MAP3K4: variants seen among roughly 807,000 people sequenced by gnomAD.
The protein encoded by MAP3K4 is mitogen-activated protein kinase kinase kinase 4.
A neutral mutation model predicts 185.6 loss-of-function variants in MAP3K4; 67 were observed. That is an observed-to-expected ratio of 0.36 (90% CI 0.30 to 0.44). The LOEUF is 0.44. Ranked by LOEUF, MAP3K4 falls within the 20% of genes least tolerant of loss-of-function variation. The pLI is 1.00. For missense variants in MAP3K4, 1,551 were observed against 1,995.1 expected, an observed-to-expected ratio of 0.78 and a Z score of 4.24; for synonymous variants, 702 against 710.4, an observed-to-expected ratio of 0.99 and a Z score of 0.19.
Position 161,091,393 on chromosome 6 carries a change from G to A in MAP3K4, c.2988G>A (p.Glu996=). The A allele has an allele frequency of 1.2e-6, 2 of 1,613,390 alleles. No individual in the cohort carries two copies. Among genetic ancestry groups the A allele is most frequent in the Non-Finnish European group, 1.7e-6 (2 of 1,179,708 alleles). ...GGACTCTTCAGAATGATGCATTGGA[G>A]CTATGCAACAGGATAAGCAATGCCA... is the stretch of plus-strand genomic sequence containing the variant. ...ALQQLKNDAL[E]LCNRISNAID... The change falls in exon 12 of 27, where the codon GAG becomes GAA. Residue 996 remains glutamate (E), a synonymous_variant. Coordinates refer to ENST00000392142, the MANE Select transcript of MAP3K4 (RefSeq NM_005922.4). The surrounding 1 kb of genome is among the most constrained non-coding windows in gnomAD (Gnocchi z 5.5).
chr6:161,109,057 T>TA lies in MAP3K4; in HGVS notation c.4236+199dup, dbSNP rs1329284919. 1 of 1,482,512 alleles carries TA rather than the reference T, an allele frequency of 6.7e-7. No individual in the cohort carries two copies. The highest frequency in any genetic ancestry group is 9.1e-7 in the Non-Finnish European group (1 of 1,098,644). 91.8% of individuals were successfully genotyped at this position (1,482,512 alleles called of 1,614,324 possible). A position where few individuals can be genotyped will look rare whatever the true frequency, so the allele number is the denominator to read the frequency against. On this transcript the variant is annotated intron_variant, in intron 22 of 26. Coordinates refer to ENST00000392142, the MANE Select transcript of MAP3K4 (RefSeq NM_005922.4). The surrounding 1 kb of genome is among the most constrained non-coding windows in gnomAD (Gnocchi z 5.7). ...CTCCTAAAATGTAAGTTGTAGACTG[T>TA]AGTCATTAACCCGACATCATAAAGC...
At chr6:161,104,916 T>G (rs1419175128) in intron 19 of MAP3K4, among the ~76,000 whole-genome samples, 1 of 152,210 alleles carries the variant, frequency 6.6e-6, no homozygotes, top group Non-Finnish European at 1.5e-5. Context: ...TGGACCATTA[T>G]AAATCTTTTA....
At chr6:161,016,885 C>T (rs936413806) in intron 1 of MAP3K4, among the ~76,000 whole-genome samples, 6 of 152,096 alleles carry the variant, frequency 3.9e-5, no homozygotes, top group African/African-American at 1.4e-4. Context: ...ATATTTATTG[C>T]ATGGATGGTT....
At chr6:161,099,153 G>T (rs1339875357) in intron 17 of MAP3K4, among the ~76,000 whole-genome samples, 5 of 152,218 alleles carry the variant, frequency 3.3e-5, no homozygotes, top group Non-Finnish European at 7.3e-5. Flanking sequence ...AACGCTGTCA[G>T]TATTCCCATC....
rs3050257 is a variant in MAP3K4, at chr6:161,047,117, C to CATATATATATATATAT, written c.344-1486_344-1471dup. 3.2e-3 allele frequency among the ~76,000 whole-genome samples: 437 copies of CATATATATATATATAT among 134,896 alleles called. 6 individuals carry two copies. Among genetic ancestry groups the CATATATATATATATAT allele is most frequent in the African/African-American group, 0.012 (413 of 33,780 alleles). 88.5% of individuals were successfully genotyped at this position (134,896 alleles called of 152,430 possible). On this transcript the variant is annotated intron_variant, in intron 2 of 26. Coordinates refer to ENST00000392142, the MANE Select transcript of MAP3K4 (RefSeq NM_005922.4). ...TATGTAGATATATATTTCACTTATG[C>CATATATATATATATAT]ATATATATATATATATATATATATA... is the stretch of plus-strand genomic sequence containing the variant.
Position 161,116,933 on chromosome 6 carries a change from A to C in MAP3K4, c.*63A>C. 4.8e-6 allele frequency: 7 copies of C among 1,452,552 alleles called. No individual in the cohort carries two copies. The highest frequency in any genetic ancestry group is 5.8e-6 in the Non-Finnish European group (6 of 1,033,164). The allele number at this position is 1,452,552 out of a possible 1,614,324, so 90.0% of individuals were successfully genotyped here. ...CACTACTGTATGTAATATTTACATAAAGACTGTGCTGAGAAGCAGTATAAG... is the reference window on the plus strand; with the variant it reads ...CACTACTGTATGTAATATTTACATACAGACTGTGCTGAGAAGCAGTATAAG... On this transcript the variant is annotated 3_prime_UTR_variant, in exon 27 of 27. Coordinates refer to ENST00000392142, the MANE Select transcript of MAP3K4 (RefSeq NM_005922.4). This position sits in a 1 kb window ranked among gnomAD's most constrained non-coding sequence, Gnocchi z 6.2.
At position 161,070,478 on chromosome 6, in the gene MAP3K4, C is replaced by A. The variant is rs1244941370; in HGVS notation, c.1708-130C>A. 1.3e-5 allele frequency: 8 copies of A among 624,048 alleles called. No homozygotes were observed. The highest frequency in any genetic ancestry group is 1.0e-4 in the South Asian group (3 of 29,662). 38.7% of individuals were successfully genotyped at this position (624,048 alleles called of 1,614,324 possible). A position where few individuals can be genotyped will look rare whatever the true frequency, so the allele number is the denominator to read the frequency against. On this transcript the variant is annotated intron_variant, in intron 3 of 26. Coordinates refer to ENST00000392142, the MANE Select transcript of MAP3K4 (RefSeq NM_005922.4). This position sits in a 1 kb window ranked among gnomAD's most constrained non-coding sequence, Gnocchi z 4.5. ...TAAATTCATTAAATTATTAAATATTCTTTTCCCTGTAAAATTAGAATTTTT... is the reference window on the plus strand; with the variant it reads ...TAAATTCATTAAATTATTAAATATTATTTTCCCTGTAAAATTAGAATTTTT...
intron 1 of MAP3K4, among the ~76,000 whole-genome samples, chr6:161,015,499 C>G (rs1441138160): frequency 3.3e-5 from 5 of 152,082 alleles, no homozygotes; most frequent in Non-Finnish European, 7.3e-5. Context: ...CCACCACCAA[C>G]AGAAGAATAC....
rs1181995167 is a variant in MAP3K4 at position 161,015,274 on chromosome 6, A to AT, written c.153-18984dup. ...CTGAACAATGAGAACACATGGACAC[A>AT]TGGGGGGGAAACAGCACACACTGGG... On this transcript the variant is annotated intron_variant, in intron 1 of 26. Transcript: ENST00000392142. Among the ~76,000 whole-genome samples the AT allele has an allele frequency of 2.7e-5, 4 of 150,262 alleles. No individual in the cohort carries two copies. The East Asian group carries it at 8.1e-4, about 31-fold the overall frequency.
Position 161,070,048 on chromosome 6 carries a change from C to T in MAP3K4, c.1708-560C>T, listed in dbSNP as rs977850418. Among the ~76,000 whole-genome samples, 1 of 152,152 alleles carries T rather than the reference C, an allele frequency of 6.6e-6. No homozygotes were observed. Among genetic ancestry groups the T allele is most frequent in the Admixed American group, 6.5e-5 (1 of 15,276 alleles). ...TCACAAAACGGATAACTGAGTCATG[C>T]CAACCAGGTTGATCTTAACGATTTT... On this transcript the variant is annotated intron_variant, in intron 3 of 26. Transcript: ENST00000392142. The surrounding 1 kb of genome is among the most constrained non-coding windows in gnomAD (Gnocchi z 4.5).
chr6:160,994,869 T>A (rs940480989), intron 1 of MAP3K4, among the ~76,000 whole-genome samples: 1 of 152,100 alleles, frequency 6.6e-6, no homozygotes, highest in Non-Finnish European at 1.5e-5. Context: ...TCCAGCTCAT[T>A]TTTGTATTTT....
rs887458129 is a variant in MAP3K4 at position 161,070,259 on chromosome 6, G to A, written c.1708-349G>A. 3.3e-5 allele frequency among the ~76,000 whole-genome samples: 5 copies of A among 152,148 alleles called. No individual in the cohort carries two copies. The highest frequency in any genetic ancestry group is 2.1e-4 in the South Asian group (1 of 4,802). Reference sequence around the variant, plus strand: ...TTTTCCCAGTCTAGAGATAGTTGTCGATAGTACTGTATATAACCTGAAAAA... The same window carrying A: ...TTTTCCCAGTCTAGAGATAGTTGTCAATAGTACTGTATATAACCTGAAAAA... On this transcript the variant is annotated intron_variant, in intron 3 of 26. Coordinates refer to ENST00000392142, the MANE Select transcript of MAP3K4 (RefSeq NM_005922.4). This position sits in a 1 kb window ranked among gnomAD's most constrained non-coding sequence, Gnocchi z 4.5.
rs1386070502 is a variant in MAP3K4 at position 161,116,901 on chromosome 6, T to C, written c.*31T>C. On this transcript the variant is annotated 3_prime_UTR_variant, in exon 27 of 27. Transcript: ENST00000392142. The surrounding 1 kb of genome is among the most constrained non-coding windows in gnomAD (Gnocchi z 6.2). The stretch of plus-strand genomic sequence containing the variant: ...AGTAGAATATGGACTTGGAAAATTC[T>C]CTTAATCACTACTGTATGTAATATT... 6.3e-7 allele frequency: 1 copy of C among 1,594,006 alleles called. No homozygotes were observed.
At chr6:161,027,886 A>C (rs1474350214) in intron 1 of MAP3K4, among the ~76,000 whole-genome samples, 1 of 152,182 alleles carries the variant, frequency 6.6e-6, no homozygotes, top group East Asian at 1.9e-4. Flanking sequence ...AAATAGCCTC[A>C]CTCATAGGGT....
chr6:161,092,832 C>T (rs528709891), intron 13 of MAP3K4, 146 bp from the exon 14 acceptor site: 3 of 492,004 alleles, frequency 6.1e-6, no homozygotes, highest in Non-Finnish European at 1.1e-5. Flanking sequence ...AAAGGTCACG[C>T]TGTAAACTTA....
rs1781647333 is a variant in MAP3K4 at position 161,007,509 on chromosome 6, T to TA, written c.152+15429dup. 6.6e-6 allele frequency among the ~76,000 whole-genome samples: 1 copy of TA among 152,200 alleles called. No homozygotes were observed. Among genetic ancestry groups the TA allele is most frequent in the Non-Finnish European group, 1.5e-5 (1 of 68,028 alleles). On this transcript the variant is annotated intron_variant, in intron 1 of 26. Coordinates refer to ENST00000392142, the MANE Select transcript of MAP3K4 (RefSeq NM_005922.4). This position sits in a 1 kb window ranked among gnomAD's most constrained non-coding sequence, Gnocchi z 4.5. ...AAGGAGCACAGGGCTCAGATAAAGT[T>TA]AAACAGTTGTGTCAAGTGATGGGTG...
chr6:161,067,342 C>T lies in MAP3K4; in HGVS notation c.1708-3266C>T. 1 of 386,006 alleles carries T rather than the reference C, an allele frequency of 2.6e-6. No homozygotes were observed. Among genetic ancestry groups the T allele is most frequent in the Non-Finnish European group, 5.2e-6 (1 of 191,600 alleles). The allele number at this position is 386,006 out of a possible 1,614,324, so 23.9% of individuals were successfully genotyped here. A position where few individuals can be genotyped will look rare whatever the true frequency, so the allele number is the denominator to read the frequency against. Reference sequence around the variant, plus strand: ...TACATTTTTTTGAATTTCTGATTAGCTTCCTTATGCATCGATCTCAGTGAG... The same window carrying T: ...TACATTTTTTTGAATTTCTGATTAGTTTCCTTATGCATCGATCTCAGTGAG... On this transcript the variant is annotated intron_variant, in intron 3 of 26. Transcript: ENST00000392142. The surrounding 1 kb of genome is among the most constrained non-coding windows in gnomAD (Gnocchi z 6.3).
rs111582037 is a variant in MAP3K4 at position 161,101,711 on chromosome 6, G to A, written c.3675-181G>A. On this transcript the variant is annotated intron_variant, in intron 17 of 26. Coordinates refer to ENST00000392142, the MANE Select transcript of MAP3K4 (RefSeq NM_005922.4). The surrounding 1 kb of genome is among the most constrained non-coding windows in gnomAD (Gnocchi z 5.1). ...GGTGGGTCTGTCCTGTGCGTTTTCC[G>A]CTGCCCACTAGATGCCAGTAGCACC... 5.8e-4 allele frequency: 325 copies of A among 564,838 alleles called. 2 individuals are homozygous for A. The highest frequency in any genetic ancestry group is 5.2e-3 in the African/African-American group (277 of 52,844). 35.0% of individuals were successfully genotyped at this position (564,838 alleles called of 1,614,324 possible).
rs1392442057 is a variant in MAP3K4 at position 161,086,534 on chromosome 6, A to C, written c.2473-50A>C. The C allele has an allele frequency of 4.4e-6, 7 of 1,600,390 alleles. No homozygotes were observed. The highest frequency in any genetic ancestry group is 6.0e-6 in the Non-Finnish European group (7 of 1,171,162). On this transcript the variant is annotated intron_variant, in intron 8 of 26. Coordinates refer to ENST00000392142, the MANE Select transcript of MAP3K4 (RefSeq NM_005922.4). The surrounding 1 kb of genome is among the most constrained non-coding windows in gnomAD (Gnocchi z 4.8). Reference sequence around the variant, plus strand: ...TTTTTTCTTGTTTTTCTTTTATCTTATTTTTTTAATGCTAACCGTAAAGAA... The same window carrying C: ...TTTTTTCTTGTTTTTCTTTTATCTTCTTTTTTTAATGCTAACCGTAAAGAA...
Sources: gnomAD v4.1 joint callset for allele counts (sites outside exome capture counted in the v4.1 genomes callset) on GRCh38, gnomAD v4.1.1 for gene constraint, Gnocchi (gnomAD v3.1) non-coding constraint, MANE v1.5 for transcripts, NCBI Gene and HGNC (gene_info 2026-07-23, HGNC 2026-07-21) for gene names.